CHST11: variants seen among roughly 807,000 people sequenced by gnomAD.
CHST11 encodes carbohydrate sulfotransferase 11, also known as C4S-1.
In CHST11, 9 loss-of-function variants were observed where a neutral mutation model predicts 30.4. The ratio of observed to expected loss-of-function variants is 0.30; its 90% CI spans 0.18 to 0.52. CHST11 has a LOEUF of 0.52. CHST11 is among the 20% of genes least tolerant of loss of function. CHST11 has a pLI of 0.97. For missense variants in CHST11, 348 were observed against 460.6 expected (o/e 0.76, Z 2.24); for synonymous variants, 152 against 187.8 (o/e 0.81, Z 1.56).
rs891774386 is a variant in CHST11, at chr12:104,759,946, A to G, written c.*2143A>G. The G allele has an allele frequency of 2.6e-5, 4 of 152,334 alleles. No homozygotes were observed. The highest frequency in any genetic ancestry group is 5.9e-5 in the Non-Finnish European group (4 of 68,034). 9.4% of individuals were successfully genotyped at this position (152,334 alleles called of 1,614,324 possible). On this transcript the variant is annotated 3_prime_UTR_variant, in exon 3 of 3. Coordinates refer to ENST00000303694, the MANE Select transcript of CHST11 (RefSeq NM_018413.6). ...CATTTTCTAATACGCATTCTACAGA[A>G]CACAGGTTCCAGGAGGCATCAGGTT...
chr12:104,708,974 T>A (rs991281527), intron 2 of CHST11, among the ~76,000 whole-genome samples: 1 of 149,078 alleles, frequency 6.7e-6, no homozygotes, highest in Non-Finnish European at 1.5e-5. Context: ...AAGAGAAAGG[T>A]CATGGGGCAA....
In CHST11 at chr12:104,600,098, A is replaced by G. The variant is rs1592787246; in HGVS notation, c.119-1808A>G. Reference sequence around the variant, plus strand: ...TTGCTGACCCCTGCCCTAGGAAGTCAAGGAAAAGGAAAGAGAAAACATGGC... The same window carrying G: ...TTGCTGACCCCTGCCCTAGGAAGTCGAGGAAAAGGAAAGAGAAAACATGGC... On this transcript the variant is annotated intron_variant, in intron 1 of 2. Coordinates refer to ENST00000303694, the MANE Select transcript of CHST11 (RefSeq NM_018413.6). The surrounding 1 kb of genome is among the most constrained non-coding windows in gnomAD (Gnocchi z 4.1). Among the ~76,000 whole-genome samples, 2 of 152,362 alleles carry G rather than the reference A, an allele frequency of 1.3e-5. No homozygotes were observed. Among genetic ancestry groups the G allele is most frequent in the Non-Finnish European group, 2.9e-5 (2 of 68,032 alleles).
At chr12:104,670,088 G>A (rs2039675781) in intron 2 of CHST11, among the ~76,000 whole-genome samples, 1 of 152,248 alleles carries the variant, frequency 6.6e-6, no homozygotes, top group African/African-American at 2.4e-5. Flanking sequence ...GCGGAAGCTT[G>A]CCAAGAGAGT....
Position 104,710,968 on chromosome 12 carries a change from G to A in CHST11, c.205-45981G>A, listed in dbSNP as rs545518717. Among the ~76,000 whole-genome samples the A allele has an allele frequency of 5.9e-5, 9 of 152,274 alleles. No individual in the cohort carries two copies. The South Asian group carries it at 8.3e-4, about 14-fold the overall frequency. Reference sequence around the variant, plus strand: ...AGTTCACCAGCTATTAGCCTCTATCGTAGAGTCTGCTTTTAGTCCAGGACC... The same window carrying A: ...AGTTCACCAGCTATTAGCCTCTATCATAGAGTCTGCTTTTAGTCCAGGACC... On this transcript the variant is annotated intron_variant, in intron 2 of 2. Transcript: ENST00000303694.
intron 1 of CHST11, among the ~76,000 whole-genome samples, chr12:104,560,489 A>T (rs1253274718): frequency 2.0e-5 from 3 of 152,192 alleles, no homozygotes; most frequent in Non-Finnish European, 1.5e-5. Context: ...ACTCAAAAAC[A>T]TGGATCAGCA....
chr12:104,527,165 G>C (rs1033547806), intron 1 of CHST11, among the ~76,000 whole-genome samples: 1 of 152,134 alleles, frequency 6.6e-6, no homozygotes, highest in African/African-American at 2.4e-5. Context: ...AGGTAAAATG[G>C]GGTCATTAGG....
intron 1 of CHST11, among the ~76,000 whole-genome samples, chr12:104,573,001 GC>G (rs1592769987): frequency 6.6e-6 from 1 of 152,106 alleles, no homozygotes; most frequent in African/African-American, 2.4e-5. Flanking sequence ...AAGCTGATAG[GC>G]AACTTCAGCA....
chr12:104,538,273 A>AT (rs1565979148), intron 1 of CHST11, among the ~76,000 whole-genome samples: 1 of 151,924 alleles, frequency 6.6e-6, no homozygotes, highest in Non-Finnish European at 1.5e-5. Flanking sequence ...CTCAATTGGG[A>AT]TTTTTCTCAT....
chr12:104,683,089 A>G (rs2039813577), intron 2 of CHST11, among the ~76,000 whole-genome samples: 1 of 152,234 alleles, frequency 6.6e-6, no homozygotes, highest in Non-Finnish European at 1.5e-5. Context: ...AAGTGTTGAA[A>G]TGGCAAAAGG....
intron 2 of CHST11, among the ~76,000 whole-genome samples, chr12:104,652,814 C>A (rs952977801): frequency 6.6e-6 from 1 of 152,172 alleles, no homozygotes; most frequent in Non-Finnish European, 1.5e-5. Flanking sequence ...CCCAAGGGGC[C>A]AGTGGCTTTG....
intron 2 of CHST11, among the ~76,000 whole-genome samples, chr12:104,706,456 GGAGAGGGAGAGA>G (rs1242878175): frequency 6.7e-6 from 1 of 149,138 alleles, no homozygotes; most frequent in Non-Finnish European, 1.5e-5. Context: ...GTGAGTGGAT[GGAGAGGGAGAGA>G]GAGAGAGAGA....
chr12:104,513,138 T>TGGGGGGGGGG (rs1565969843), intron 1 of CHST11, among the ~76,000 whole-genome samples: 2 of 3,340 alleles, frequency 6.0e-4, no homozygotes, highest in Admixed American at 3.7e-3. Context: ...GGGGGGGGGG[T>TGGGGGGGGGG]TGGGGGTGGG....
At chr12:104,660,253 T>C (rs2039586250) in intron 2 of CHST11, among the ~76,000 whole-genome samples, 1 of 152,172 alleles carries the variant, frequency 6.6e-6, no homozygotes, top group Non-Finnish European at 1.5e-5. Flanking sequence ...AAAGGTCTCC[T>C]GGGTACCACG....
intron 2 of CHST11, among the ~76,000 whole-genome samples, chr12:104,607,410 C>T (rs910977944): frequency 5.9e-5 from 9 of 152,132 alleles, no homozygotes; most frequent in African/African-American, 1.7e-4. Context: ...GTAGAATAAA[C>T]AGAGGAAAAG....
At chr12:104,686,311 T>C (rs2039845946) in intron 2 of CHST11, among the ~76,000 whole-genome samples, 1 of 150,470 alleles carries the variant, frequency 6.6e-6, no homozygotes, top group South Asian at 2.1e-4. Context: ...GACAGCTGCT[T>C]AGCCGCTGAT....
chr12:104,532,927 C>T (rs1242654384), intron 1 of CHST11, among the ~76,000 whole-genome samples: 1 of 152,120 alleles, frequency 6.6e-6, no homozygotes, highest in Non-Finnish European at 1.5e-5. Flanking sequence ...TTGTGTGTCA[C>T]TGCCAAATCT....
intron 1 of CHST11, among the ~76,000 whole-genome samples, chr12:104,479,453 C>T (rs1055801233): frequency 2.0e-5 from 3 of 152,154 alleles, no homozygotes; most frequent in Non-Finnish European, 2.9e-5. Context: ...CGGTGCCTGT[C>T]CTACAGCAAG....
chr12:104,491,115 C>G (rs1028942583), intron 1 of CHST11, among the ~76,000 whole-genome samples: 4 of 151,970 alleles, frequency 2.6e-5, no homozygotes, highest in Admixed American at 6.6e-5. Flanking sequence ...TCTGAGGGCC[C>G]GTCACATTCA....
intron 2 of CHST11, among the ~76,000 whole-genome samples, chr12:104,629,815 C>A (rs1384271780): frequency 6.6e-6 from 1 of 152,160 alleles, no homozygotes; most frequent in Non-Finnish European, 1.5e-5. Flanking sequence ...GTTAATGGGA[C>A]TCCATCTCAA....
Sources: allele counts gnomAD v4.1 joint callset (sites outside exome capture counted in the v4.1 genomes callset), GRCh38; gene constraint gnomAD v4.1.1; non-coding constraint Gnocchi (gnomAD v3.1); transcripts MANE v1.5; gene names NCBI Gene and HGNC (gene_info 2026-07-23, HGNC 2026-07-21).